Variants in ME3 observed in about 807,000 individuals in gnomAD.
ME3 encodes the protein NADP-dependent malic enzyme, mitochondrial.
A neutral mutation model predicts 68.9 loss-of-function variants in ME3; 48 were observed. The observed-to-expected ratio is 0.70, with a 90% confidence interval of 0.55 to 0.89. ME3 has a LOEUF of 0.89. Ranked by LOEUF, ME3 falls within the 40% of genes least tolerant of loss-of-function variation. The probability of loss-of-function intolerance (pLI) is 0.00; values close to 1 mark genes in which losing one functional copy is unlikely to be tolerated. For synonymous variants in ME3, 320 were observed against 318.8 expected (o/e 1.00, Z -0.04); for missense variants, 675 against 797.4 (o/e 0.85, Z 1.85).
At chr11:86,555,445 A>G (rs1053878528) in intron 4 of ME3, among the ~76,000 whole-genome samples, 4 of 152,168 alleles carry the variant, frequency 2.6e-5, no homozygotes, top group African/African-American at 7.2e-5. Context: ...TCCTGTTGCA[A>G]GAAGCATGTT....
At chr11:86,521,127 C>A (rs1489336638) in intron 4 of ME3, among the ~76,000 whole-genome samples, 3 of 152,176 alleles carry the variant, frequency 2.0e-5, no homozygotes, top group African/African-American at 7.2e-5. Context: ...TAGTGGCTCA[C>A]GCCTGTAATC....
At chr11:86,495,345 G>A (rs1952253920) in intron 6 of ME3, among the ~76,000 whole-genome samples, 2 of 152,180 alleles carry the variant, frequency 1.3e-5, no homozygotes, top group African/African-American at 2.4e-5. Flanking sequence ...TTTGTTACAA[G>A]TTAGAGCCAG....
rs1287857259 is a variant in ME3, at chr11:86,611,617, GA to G, written c.184-51795del. On this transcript the variant is annotated intron_variant, in intron 2 of 14. Coordinates refer to ENST00000543262, the Ensembl canonical transcript of ME3. ...TAACTCAATAAAGTGGGGGGGGGGG[GA>G]AGAAAAATGAATATCTGATTAGTGC... Among the ~76,000 whole-genome samples, 14 of 114,010 alleles carry G rather than the reference GA, an allele frequency of 1.2e-4. No homozygotes were observed. The South Asian group carries it at 4.2e-3, about 34-fold the overall frequency. The allele number at this position is 114,010 out of a possible 152,430, so 74.8% of individuals were successfully genotyped here.
At chr11:86,567,243 A>AAAGGAAGAAAGG (rs1554983083) in intron 2 of ME3, among the ~76,000 whole-genome samples, 6 of 144,462 alleles carry the variant, frequency 4.2e-5, no homozygotes, top group South Asian at 4.7e-4. Flanking sequence ...GAAAAGAAAG[A>AAAGGAAGAAAGG]AAGGAAGGAA....
At chr11:86,495,357 T>C (rs913032112) in intron 6 of ME3, among the ~76,000 whole-genome samples, 1 of 152,226 alleles carries the variant, frequency 6.6e-6, no homozygotes, top group Non-Finnish European at 1.5e-5. Context: ...TAGAGCCAGC[T>C]CTAAACTTCA....
intron 2 of ME3, among the ~76,000 whole-genome samples, chr11:86,653,840 G>A (rs894300284): frequency 1.3e-5 from 2 of 152,074 alleles, no homozygotes; most frequent in African/African-American, 4.8e-5. Flanking sequence ...AAAATTGATA[G>A]ACTGCTAGCA....
At chr11:86,651,755 G>C (rs1051333800) in intron 2 of ME3, among the ~76,000 whole-genome samples, 2 of 152,242 alleles carry the variant, frequency 1.3e-5, no homozygotes, top group Admixed American at 6.5e-5. Context: ...GAATGACTTT[G>C]ATGAGATGAG....
chr11:86,479,219 C>G (rs1951253982), intron 7 of ME3, among the ~76,000 whole-genome samples: 1 of 152,168 alleles, frequency 6.6e-6, no homozygotes. Flanking sequence ...GAACTCCAGG[C>G]TCTTTGGCCT....
At chr11:86,466,629 C>T (rs1432218811) in intron 7 of ME3, among the ~76,000 whole-genome samples, 1 of 152,216 alleles carries the variant, frequency 6.6e-6, no homozygotes, top group Non-Finnish European at 1.5e-5. Context: ...GCCCACAAAA[C>T]ATTTTTTCCA....
intron 2 of ME3, among the ~76,000 whole-genome samples, chr11:86,596,094 C>G (rs971202208): frequency 6.6e-6 from 1 of 152,234 alleles, no homozygotes; most frequent in Non-Finnish European, 1.5e-5. Flanking sequence ...ACAACTCACA[C>G]TGTACTTCAG....
intron 4 of ME3, among the ~76,000 whole-genome samples, chr11:86,548,414 C>T (rs746668799): frequency 1.3e-5 from 2 of 152,182 alleles, no homozygotes; most frequent in Admixed American, 6.5e-5. Flanking sequence ...CCTCCTTCCA[C>T]CTTCCTAAGA....
chr11:86,629,411 C>A (rs1943873515), intron 2 of ME3, among the ~76,000 whole-genome samples: 1 of 152,164 alleles, frequency 6.6e-6, no homozygotes, highest in Non-Finnish European at 1.5e-5. Context: ...ATCTCTTTTG[C>A]TGAAGAAAGG....
intron 7 of ME3, among the ~76,000 whole-genome samples, chr11:86,465,646 T>C (rs1950441175): frequency 6.6e-6 from 1 of 152,070 alleles, no homozygotes; most frequent in African/African-American, 2.4e-5. Context: ...CCCTGCATCC[T>C]CCAAATATCT....
Position 86,550,151 on chromosome 11 carries a change from C to G in ME3, c.467+6402G>C, listed in dbSNP as rs149939331. Among the ~76,000 whole-genome samples, 294 of 152,278 alleles carry G rather than the reference C, an allele frequency of 1.9e-3. 2 individuals carry two copies. The highest frequency in any genetic ancestry group is 6.9e-3 in the African/African-American group (286 of 41,562). On this transcript the variant is annotated intron_variant, in intron 4 of 14. Coordinates refer to ENST00000543262, the Ensembl canonical transcript of ME3. ...CAGCTCTCCAGACACGTTTAGTGCA[C>G]AGCCGGGACTGAGAATTGGTGCTCT... is the stretch of plus-strand genomic sequence containing the variant.
chr11:86,560,454 T>C (rs1312009991), intron 2 of ME3, among the ~76,000 whole-genome samples: 1 of 152,070 alleles, frequency 6.6e-6, no homozygotes, highest in African/African-American at 2.4e-5. Flanking sequence ...TCAGGTAGTA[T>C]CTTTATAGCA....
At position 86,634,689 on chromosome 11, in the gene ME3, TG is replaced by T. The variant is rs1392348970; in HGVS notation, c.183+37072del. On this transcript the variant is annotated intron_variant, in intron 2 of 14. Transcript: ENST00000543262. ...CTAGTAAATGGTTCTGGGTCTTTTG[TG>T]TTTTTTTTTGTTTGTTTTGTGTTTC... Among the ~76,000 whole-genome samples the T allele has an allele frequency of 2.7e-3, 3 of 1,096 alleles. No individual in the cohort carries two copies. The Non-Finnish European group carries it at 0.035, about 13-fold the overall frequency. The allele number at this position is 1,096 out of a possible 152,430, so 0.7% of individuals were successfully genotyped here.
At chr11:86,459,394 G>A (rs1229081863) in intron 8 of ME3, among the ~76,000 whole-genome samples, 1 of 152,046 alleles carries the variant, frequency 6.6e-6, no homozygotes, top group Non-Finnish European at 1.5e-5. Context: ...TCCCGTATCT[G>A]TGTGTCACGA....
chr11:86,610,392 C>T (rs764004205), intron 2 of ME3, among the ~76,000 whole-genome samples: 1 of 152,070 alleles, frequency 6.6e-6, no homozygotes, highest in Admixed American at 6.5e-5. Context: ...AGAACCATTA[C>T]TCCTGATATT....
chr11:86,588,549 C>T (rs983286530), intron 2 of ME3, among the ~76,000 whole-genome samples: 2 of 152,228 alleles, frequency 1.3e-5, no homozygotes, highest in South Asian at 2.1e-4. Context: ...AACCCCAATA[C>T]GTTTGGCTTA....
Sources: allele counts gnomAD v4.1 joint callset (sites outside exome capture counted in the v4.1 genomes callset), GRCh38; gene constraint gnomAD v4.1.1; transcripts MANE v1.5; gene names NCBI Gene and HGNC (gene_info 2026-07-23, HGNC 2026-07-21).